The following ENTPD6 variants were observed in gnomAD, a reference collection of about 807,000 sequenced individuals.
ENTPD6 encodes the protein CD39 antigen-like 2.
In ENTPD6, 46 loss-of-function variants were observed where a neutral mutation model predicts 61.5. That is an observed-to-expected ratio of 0.75 (90% confidence interval 0.59 to 0.96). The LOEUF (loss-of-function observed/expected upper bound fraction) is 0.96, where lower values mean the gene tolerates loss of function less well. Among genes scored for constraint, ENTPD6 ranks in the 40% least tolerant of loss-of-function variants. The pLI, the probability that ENTPD6 is intolerant of heterozygous loss-of-function variation, is 0.00. For missense variants in ENTPD6, 612 were observed against 629.0 expected, an observed-to-expected ratio of 0.97 and a Z score of 0.29; for synonymous variants, 252 against 255.5, an observed-to-expected ratio of 0.99 and a Z score of 0.13.
intron 7 of ENTPD6, among the ~76,000 whole-genome samples, chr20:25,216,156 T>G (rs778316680): frequency 2.0e-5 from 3 of 152,280 alleles, no homozygotes; most frequent in Non-Finnish European, 4.4e-5. Flanking sequence ...GTCATTTTTC[T>G]TAGTGCATGT....
chr20:25,216,847 G>C, intron 8 of ENTPD6, 111 bp downstream of exon 8: 2 of 734,890 alleles, frequency 2.7e-6, no homozygotes, highest in Non-Finnish European at 4.5e-6. Flanking sequence ...GGGTGGGGTT[G>C]GCCAGGTCTC....
chr20:25,217,511 C>T lies in ENTPD6; in HGVS notation c.808C>T (p.Gln270Ter). ...CCTCGTTCTTCTCCAGGGCACCCTG[C>T]AGGCCTCCCCACCCGGCTACCTGAC... is the stretch of plus-strand genomic sequence containing the variant. ...AFLPRVEGTL[Q>*]ASPPGYLTAL... The change falls in exon 9 of 15, where the codon CAG (glutamine) becomes TAG (stop). Residue 270 changes from glutamine (Q) to a stop codon, truncating the protein, a stop_gained. Coordinates refer to ENST00000376652, the MANE Select transcript of ENTPD6 (RefSeq NM_001247.5). LOFTEE classifies it high-confidence loss of function. 1 of 1,614,114 alleles carries T rather than the reference C, an allele frequency of 6.2e-7. No homozygotes were observed. The highest frequency in any genetic ancestry group is 8.5e-7 in the Non-Finnish European group (1 of 1,179,942).
intron 3 of ENTPD6, among the ~76,000 whole-genome samples, chr20:25,209,258 C>T (rs1426963309): frequency 8.6e-5 from 13 of 151,990 alleles, no homozygotes; most frequent in East Asian, 1.9e-4. Flanking sequence ...TACAGGCGCC[C>T]GCCACCACGC....
Position 25,225,715 on chromosome 20 carries a change from C to A in ENTPD6, c.*118C>A. The stretch of plus-strand genomic sequence containing the variant: ...ACAGGCCGTGCTGGCACTTTCTGCA[C>A]ACTGGCTCTGGGACTTGCAGAAGGC... On this transcript the variant is annotated 3_prime_UTR_variant, in exon 15 of 15. Transcript: ENST00000376652. 1.2e-6 allele frequency: 1 copy of A among 816,990 alleles called. No individual in the cohort carries two copies. Among genetic ancestry groups the A allele is most frequent in the Non-Finnish European group, 2.0e-6 (1 of 503,366 alleles). The allele number at this position is 816,990 out of a possible 1,614,324, so 50.6% of individuals were successfully genotyped here.
chr20:25,197,354 A>C, intron 1 of ENTPD6: 2 of 513,972 alleles, frequency 3.9e-6, no homozygotes, highest in Non-Finnish European at 5.0e-6. Flanking sequence ...TGGCCTCAGC[A>C]GGAGCCACAC....
intron 13 of ENTPD6, 126 bp downstream of exon 13, chr20:25,224,283 GC>G (rs1238822647): frequency 2.6e-6 from 2 of 756,814 alleles, no homozygotes; most frequent in Non-Finnish European, 4.0e-6. Flanking sequence ...AGGGGCCTCG[GC>G]CCCAGCTGAG....
chr20:25,202,223 C>A (rs1038992347), intron 1 of ENTPD6, among the ~76,000 whole-genome samples: 1 of 152,118 alleles, frequency 6.6e-6, no homozygotes, highest in African/African-American at 2.4e-5. Context: ...AAAGGTTGAT[C>A]TTGCTGTCTC....
chr20:25,210,090 C>T (rs1217769668), intron 4 of ENTPD6, among the ~76,000 whole-genome samples, 165 bp downstream of exon 4: 3 of 152,212 alleles, frequency 2.0e-5, no homozygotes, highest in Admixed American at 6.5e-5. Context: ...AGGTGTGCAG[C>T]GCGCGAGCCC....
At chr20:25,210,032 C>T in intron 4 of ENTPD6, 107 bp downstream of exon 4, 1 of 1,020,128 alleles carries the variant, frequency 9.8e-7, no homozygotes, top group Non-Finnish European at 1.5e-6. Context: ...GGGGCTTTGA[C>T]AGTGCTGCCT....
rs968299907 is a variant in ENTPD6 at position 25,225,884 on chromosome 20, A to C, written c.*287A>C. 1 of 342,420 alleles carries C rather than the reference A, an allele frequency of 2.9e-6. No individual in the cohort carries two copies. Among genetic ancestry groups the C allele is most frequent in the African/African-American group, 2.1e-5 (1 of 47,206 alleles). 21.2% of individuals were successfully genotyped at this position (342,420 alleles called of 1,614,324 possible). On this transcript the variant is annotated 3_prime_UTR_variant, in exon 15 of 15. Transcript: ENST00000376652. Reference sequence around the variant, plus strand: ...AACCACAGGCACACACTGAGGGGGCAGTGTGGCTCCCTGCCTGTCCCATCC... The same window carrying C: ...AACCACAGGCACACACTGAGGGGGCCGTGTGGCTCCCTGCCTGTCCCATCC...
At chr20:25,218,511 G>A (rs772362544) in intron 9 of ENTPD6, 39 bp from the exon 10 acceptor site, 5 of 1,575,624 alleles carry the variant, frequency 3.2e-6, no homozygotes, top group Non-Finnish European at 4.3e-6. Context: ...ACCTGTACCT[G>A]CCATGGCAGC....
rs767356827 is a variant in ENTPD6, at chr20:25,218,630, G to T, written c.943+16G>T. 7 of 1,589,032 alleles carry T rather than the reference G, an allele frequency of 4.4e-6. No individual in the cohort carries two copies. On this transcript the variant is annotated intron_variant, in intron 10 of 14. Transcript: ENST00000376652. ...GGGCAGCCTGGTGAGTGGACATGTT[G>T]CCCCGGGCCCACTTTCACAGCCTCT...
intron 9 of ENTPD6, among the ~76,000 whole-genome samples, chr20:25,217,881 C>T (rs933893124): frequency 1.4e-5 from 2 of 144,812 alleles, no homozygotes; most frequent in Non-Finnish European, 3.0e-5. Context: ...TAACCCAGAC[C>T]TCTCTCTCCT....
chr20:25,217,424 T>C, intron 8 of ENTPD6, 78 bp from the exon 9 acceptor site: 2 of 1,381,114 alleles, frequency 1.4e-6, no homozygotes, highest in Non-Finnish European at 2.1e-6. Flanking sequence ...TCCCCTTTCT[T>C]TCAAATGAAT....
rs1373415982 is a variant in ENTPD6, at chr20:25,225,611, C to T, written c.*14C>T. On this transcript the variant is annotated 3_prime_UTR_variant, in exon 15 of 15. Coordinates refer to ENST00000376652, the MANE Select transcript of ENTPD6 (RefSeq NM_001247.5). ...CCAGCCTCATAGTGGCCGAGCCATCCCTGTCCCCGTCAGCAGTGTCTGTGT... is the reference window on the plus strand; with the variant it reads ...CCAGCCTCATAGTGGCCGAGCCATCTCTGTCCCCGTCAGCAGTGTCTGTGT... 3 of 1,606,112 alleles carry T rather than the reference C, an allele frequency of 1.9e-6. No homozygotes were observed. Among genetic ancestry groups the T allele is most frequent in the Admixed American group, 3.3e-5 (2 of 59,728 alleles).
At chr20:25,217,745 GC>G (rs2092398629) in intron 9 of ENTPD6, among the ~76,000 whole-genome samples, 164 bp downstream of exon 9, 1 of 149,688 alleles carries the variant, frequency 6.7e-6, no homozygotes, top group African/African-American at 2.5e-5. Flanking sequence ...CGCCTCCTCT[GC>G]CCTCCTCCTT....
At chr20:25,205,583 C>T (rs866745267) in intron 1 of ENTPD6, among the ~76,000 whole-genome samples, 1 of 152,138 alleles carries the variant, frequency 6.6e-6, no homozygotes, top group South Asian at 2.1e-4. Flanking sequence ...GTGGGAAGCC[C>T]CCGAGTGTGG....
intron 13 of ENTPD6, 163 bp from the exon 14 acceptor site, chr20:25,225,042 T>C: frequency 8.8e-7 from 1 of 1,138,362 alleles, no homozygotes; most frequent in Non-Finnish European, 1.2e-6. Context: ...CACCTGCCTG[T>C]GCTGTGCACT....
At chr20:25,220,140 G>A (rs2092565844) in intron 10 of ENTPD6, among the ~76,000 whole-genome samples, 1 of 152,190 alleles carries the variant, frequency 6.6e-6, no homozygotes, top group African/African-American at 2.4e-5. Context: ...TGAGGACCCA[G>A]GAGAATGAGT....
Sources: gnomAD v4.1 joint callset for allele counts (sites outside exome capture counted in the v4.1 genomes callset) on GRCh38, gnomAD v4.1.1 for gene constraint, MANE v1.5 for transcripts, NCBI Gene and HGNC (gene_info 2026-07-23, HGNC 2026-07-21) for gene names.